ZC3H13: variants seen among roughly 807,000 people sequenced by gnomAD.
ZC3H13 encodes zinc finger CCCH-type containing 13, also known as zinc finger CCCH domain-containing protein 13.
In ZC3H13, 64 loss-of-function variants were observed where a neutral mutation model predicts 204.1. The ratio of observed to expected loss-of-function variants is 0.31; its 90% confidence interval spans 0.26 to 0.39. The LOEUF is 0.39. Ranked by LOEUF, ZC3H13 falls within the 10% of genes least tolerant of loss-of-function variation. ZC3H13 has a pLI of 1.00. For missense variants in ZC3H13, 1,833 were observed against 2,082.7 expected (o/e 0.88, Z 2.33); for synonymous variants, 667 against 693.7 (o/e 0.96, Z 0.60).
In ZC3H13 at chr13:45,980,565, T is replaced by C. The variant is rs149006173; in HGVS notation, c.1721-561A>G. 2.5e-3 allele frequency among the ~76,000 whole-genome samples: 388 copies of C among 152,292 alleles called. 1 individual carries two copies. The highest frequency in any genetic ancestry group is 9.0e-3 in the African/African-American group (376 of 41,564). On this transcript the variant is annotated intron_variant, in intron 10 of 18. Coordinates refer to ENST00000679008, the MANE Select transcript of ZC3H13 (RefSeq NM_001330564.2). Reference sequence around the variant, plus strand: ...GAACAGTTAAACAAACTGTGGCACATGCATGCCATGGAATACTATTCGGCA... The same window carrying C: ...GAACAGTTAAACAAACTGTGGCACACGCATGCCATGGAATACTATTCGGCA...
rs139890974 is a variant in ZC3H13, at chr13:45,979,823, G to C, written c.1902C>G (p.Asn634Lys). ...RRHGERDRRD[N>K]RERDQRPSSP... ...TTCTGTTTGACAAACCTCTCTCTCT[G>C]TTGTCACGACGGTCTCGCTCTCCAT... Residue 634 changes from asparagine to lysine, a missense_variant, in exon 11 of 19, where the codon AAC (asparagine) becomes AAG (lysine). Physicochemically the swap from Asn to Lys is moderately conservative, Grantham distance 94. Coordinates refer to ENST00000679008, the MANE Select transcript of ZC3H13 (RefSeq NM_001330564.2). The C allele has an allele frequency of 4.8e-5, 76 of 1,576,086 alleles. No individual in the cohort carries two copies. The highest frequency in any genetic ancestry group is 5.6e-5 in the Non-Finnish European group (65 of 1,165,468).
At chr13:46,005,442 C>T (rs1477778678) in intron 7 of ZC3H13, among the ~76,000 whole-genome samples, 1 of 152,078 alleles carries the variant, frequency 6.6e-6, no homozygotes, top group Non-Finnish European at 1.5e-5. Flanking sequence ...AAGTAGTACT[C>T]ATTTTGCTAA....
At chr13:45,960,635 G>T (rs747762755) in intron 17 of ZC3H13, among the ~76,000 whole-genome samples, 2 of 151,944 alleles carry the variant, frequency 1.3e-5, no homozygotes, top group Non-Finnish European at 2.9e-5. Context: ...ATATAAAGAG[G>T]TTAGGTTAAA....
intron 18 of ZC3H13, among the ~76,000 whole-genome samples, chr13:45,957,672 T>C (rs1290061098): frequency 6.6e-6 from 1 of 152,218 alleles, no homozygotes; most frequent in East Asian, 1.9e-4. Flanking sequence ...TCTTCTATGG[T>C]GCTACACTGT....
chr13:45,985,850 T>G, intron 9 of ZC3H13, 89 bp from the exon 10 acceptor site: 6 of 1,192,904 alleles, frequency 5.0e-6, no homozygotes, highest in Non-Finnish European at 6.9e-6. Context: ...CTTTAAAAAT[T>G]TTATTATAAT....
intron 5 of ZC3H13, among the ~76,000 whole-genome samples, chr13:46,018,494 T>C (rs1387807656): frequency 1.3e-5 from 2 of 152,080 alleles, no homozygotes; most frequent in African/African-American, 4.8e-5. Context: ...AAATCAGATC[T>C]ACAATACAAG....
Position 45,970,332 on chromosome 13 carries a change from ATAGAGAGACAGAAAACAG to A in ZC3H13, c.2572+12_2572+29del. On this transcript the variant is annotated intron_variant, in intron 13 of 18. Coordinates refer to ENST00000679008, the MANE Select transcript of ZC3H13 (RefSeq NM_001330564.2). Reference sequence around the variant, plus strand: ...TTCATGGTTACAAATGAATATGAATATAGAGAGACAGAAAACAGAGTCTGCTTACTTTTATCATCTCCA... The same window carrying A: ...TTCATGGTTACAAATGAATATGAATAAGTCTGCTTACTTTTATCATCTCCA... 3.1e-6 allele frequency: 5 copies of A among 1,601,860 alleles called. No individual in the cohort carries two copies. The highest frequency in any genetic ancestry group is 4.3e-6 in the Non-Finnish European group (5 of 1,169,360).
rs114583293 is a variant in ZC3H13, at chr13:45,969,207, T to C, written c.3337A>G (p.Thr1113Ala). ...PPPPVATATA[T>A]TVPATLAATT... ...GCAGCAAGAGTTGCAGGCACAGTTG[T>C]AGCAGTGGCAGTAGCCACAGGCGGT... The change falls in exon 14 of 19, where the codon ACA (threonine) becomes GCA (alanine). Residue 1113 changes from threonine to alanine, a missense_variant. Physicochemically the swap from Thr to Ala is moderately conservative, Grantham distance 58. Around this residue, in one of 5 missense-constraint regions of ZC3H13, gnomAD observed 1,574 missense variants for 1,757.2 expected, o/e 0.90. Transcript: ENST00000679008. 2.6e-3 allele frequency: 4,256 copies of C among 1,613,890 alleles called. 96 individuals carry two copies. The African/African-American group carries it at 0.05, about 19-fold the overall frequency.
intron 4 of ZC3H13, among the ~76,000 whole-genome samples, chr13:46,025,482 T>G (rs1404009482): frequency 6.6e-6 from 1 of 152,112 alleles, no homozygotes; most frequent in African/African-American, 2.4e-5. Flanking sequence ...TTAAAAAATT[T>G]TTTTATTTGT....
At chr13:46,000,960 G>A (rs1415225974) in intron 8 of ZC3H13, among the ~76,000 whole-genome samples, 1 of 152,108 alleles carries the variant, frequency 6.6e-6, no homozygotes, top group Non-Finnish European at 1.5e-5. Context: ...GAGAGACAGG[G>A]GACTAGCCAG....
rs916455200 is a variant in ZC3H13, at chr13:45,968,120, A to G, written c.3797-92T>C. ...TTCAAGGTCCTTTAAAACATAATTT[A>G]CCTTTTTCCATATTCTATGTAACTT... On this transcript the variant is annotated intron_variant, in intron 14 of 18. Transcript: ENST00000679008. The G allele has an allele frequency of 1.5e-4, 200 of 1,323,614 alleles. 2 individuals carry two copies. In the South Asian group the frequency reaches 3.1e-3, roughly 21 times the overall value. The allele number at this position is 1,323,614 out of a possible 1,614,324, so 82.0% of individuals were successfully genotyped here. A position where few individuals can be genotyped will look rare whatever the true frequency, so the allele number is the denominator to read the frequency against.
chr13:46,014,058 C>T (rs1226454005), intron 5 of ZC3H13, among the ~76,000 whole-genome samples: 1 of 152,020 alleles, frequency 6.6e-6, no homozygotes, highest in Non-Finnish European at 1.5e-5. Flanking sequence ...CATTCTCTGG[C>T]AGTAGCAATG....
At position 45,967,907 on chromosome 13, in the gene ZC3H13, T is replaced by C; in HGVS notation, c.3918A>G (p.Glu1306=). 1 of 1,614,022 alleles carries C rather than the reference T, an allele frequency of 6.2e-7. No individual in the cohort carries two copies. Among genetic ancestry groups the C allele is most frequent in the South Asian group, 1.1e-5 (1 of 91,080 alleles). ...RDRLQERDRY[E]HDRERERERR... ...TCTCTCTCTCGCGCTCTCTGTCGTG[T>C]TCATATCGATCTCGTTCTTGAAGCC... The change falls in exon 15 of 19, where the codon GAA becomes GAG. Residue 1306 remains glutamate, a synonymous_variant. Coordinates refer to ENST00000679008, the MANE Select transcript of ZC3H13 (RefSeq NM_001330564.2).
intron 3 of ZC3H13, among the ~76,000 whole-genome samples, chr13:46,043,046 C>A (rs900716748): frequency 6.6e-6 from 1 of 151,792 alleles, no homozygotes; most frequent in African/African-American, 2.4e-5. Context: ...TTTTCACTAT[C>A]AGTGGGAAAA....
intron 11 of ZC3H13, among the ~76,000 whole-genome samples, chr13:45,978,541 T>C (rs903037495): frequency 1.3e-5 from 2 of 151,994 alleles, no homozygotes; most frequent in Admixed American, 6.6e-5. Flanking sequence ...ATGAATTATT[T>C]TATCATACCT....
At chr13:46,001,260 T>G (rs1487984068) in intron 8 of ZC3H13, 1 of 152,196 alleles carries the variant, frequency 6.6e-6, no homozygotes, top group Non-Finnish European at 1.5e-5. Context: ...TCAATAAAAT[T>G]GGTGCGCCTG....
At chr13:46,032,602 T>C (rs1566332586) in intron 4 of ZC3H13, among the ~76,000 whole-genome samples, 1 of 152,182 alleles carries the variant, frequency 6.6e-6, no homozygotes, top group Non-Finnish European at 1.5e-5. Flanking sequence ...GTAGTAAGAT[T>C]ATGTAGGCAT....
intron 4 of ZC3H13, among the ~76,000 whole-genome samples, chr13:46,040,945 A>G (rs1304433025): frequency 2.6e-5 from 4 of 152,190 alleles, no homozygotes; most frequent in Non-Finnish European, 2.9e-5. Context: ...AGTGTTGGTG[A>G]TGATGTGCAG....
chr13:46,022,820 A>G (rs2042299523), intron 4 of ZC3H13, among the ~76,000 whole-genome samples: 1 of 151,992 alleles, frequency 6.6e-6, no homozygotes, highest in Non-Finnish European at 1.5e-5. Context: ...TTTTTGCAGC[A>G]AAACACAGAA....
Sources: allele counts gnomAD v4.1 joint callset (sites outside exome capture counted in the v4.1 genomes callset), GRCh38; gene constraint gnomAD v4.1.1; regional missense constraint gnomAD v4.1.1; transcripts MANE v1.5; gene names NCBI Gene and HGNC (gene_info 2026-07-23, HGNC 2026-07-21).